SEC24B: variants seen among roughly 807,000 people sequenced by gnomAD.
SEC24B encodes protein transport protein Sec24B.
A neutral mutation model predicts 142.8 loss-of-function variants in SEC24B; 45 were observed. The observed-to-expected ratio is 0.32, with a 90% CI of 0.25 to 0.40. SEC24B has a LOEUF of 0.40. Ranked by LOEUF, SEC24B falls within the 10% of genes least tolerant of loss-of-function variation. The pLI, the probability that SEC24B is intolerant of heterozygous loss-of-function variation, is 1.00. For missense variants in SEC24B, 1,409 were observed against 1,526.8 expected, an observed-to-expected ratio of 0.92 and a Z score of 1.29; for synonymous variants, 574 against 568.2, an observed-to-expected ratio of 1.01 and a Z score of -0.15.
At chr4:109,447,666 G>T (rs939839649) in intron 1 of SEC24B, among the ~76,000 whole-genome samples, 3 of 152,088 alleles carry the variant, frequency 2.0e-5, no homozygotes, top group Non-Finnish European at 4.4e-5. Flanking sequence ...GTATATTAAG[G>T]CATACCTCTT....
At chr4:109,460,787 T>C (rs1731174409) in intron 1 of SEC24B, among the ~76,000 whole-genome samples, 1 of 150,768 alleles carries the variant, frequency 6.6e-6, no homozygotes, top group Admixed American at 6.6e-5. Flanking sequence ...TTAATAAGAC[T>C]AATATTAGGA....
In SEC24B at chr4:109,481,712, A is replaced by G. The variant is rs769029115; in HGVS notation, c.1096A>G (p.Ser366Gly). Residue 366 changes from serine (S) to glycine (G), a missense_variant, in exon 4 of 24, where the codon AGC (serine) becomes GGC (glycine). Physicochemically the swap from Ser to Gly is moderately conservative, Grantham distance 56 (BLOSUM62 0). Coordinates refer to ENST00000265175, the MANE Select transcript of SEC24B (RefSeq NM_006323.5). ...TGGTGAATATGTTAATAACCAAGCT[A>G]GCTCCGCACCAACTCCCTTGTCATC... ...QYGEYVNNQA[S>G]SAPTPLSSTS... 6.2e-7 allele frequency: 1 copy of G among 1,613,848 alleles called. No homozygotes were observed. The highest frequency in any genetic ancestry group is 1.1e-5 in the South Asian group (1 of 91,054).
chr4:109,513,933 T>G (rs1164005449), intron 10 of SEC24B, 77 bp downstream of exon 10: 15 of 931,060 alleles, frequency 1.6e-5, no homozygotes, highest in Non-Finnish European at 2.4e-5. Flanking sequence ...AGTGAACTCT[T>G]ATCGAGATTT....
intron 20 of SEC24B, 124 bp downstream of exon 20, chr4:109,531,646 A>T (rs1385086499): frequency 6.1e-6 from 4 of 654,318 alleles, no homozygotes; most frequent in Admixed American, 2.8e-5. Flanking sequence ...CCCTTGTGGT[A>T]GTAATACATT....
At chr4:109,441,560 T>A (rs1480716680) in intron 1 of SEC24B, among the ~76,000 whole-genome samples, 1 of 152,132 alleles carries the variant, frequency 6.6e-6, no homozygotes, top group Non-Finnish European at 1.5e-5. Flanking sequence ...GCCTCCTGAG[T>A]AGCTAGGACT....
At chr4:109,500,815 C>T (rs943089579) in intron 6 of SEC24B, among the ~76,000 whole-genome samples, 2 of 151,934 alleles carry the variant, frequency 1.3e-5, no homozygotes, top group African/African-American at 4.8e-5. Context: ...GCCAGTACCA[C>T]GCCCGGCTAA....
In SEC24B at chr4:109,463,598, C is replaced by CCCGCTA; in HGVS notation, c.832_833insCGCTAC (p.Asn277_His278insProLeu). On this transcript the variant is annotated inframe_insertion, in exon 2 of 24. Coordinates refer to ENST00000265175, the MANE Select transcript of SEC24B (RefSeq NM_006323.5). The stretch of plus-strand genomic sequence containing the variant: ...CGACTCAAGACAATCTCATCCGAAA[C>CCCGCTA]CACACAGGATCCCTGGCTGTAGCGA... 6.2e-7 allele frequency: 1 copy of CCCGCTA among 1,614,026 alleles called. No individual in the cohort carries two copies. Among genetic ancestry groups the CCCGCTA allele is most frequent in the Non-Finnish European group, 8.5e-7 (1 of 1,180,030 alleles).
At chr4:109,460,701 G>C (rs1731163033) in intron 1 of SEC24B, among the ~76,000 whole-genome samples, 1 of 151,288 alleles carries the variant, frequency 6.6e-6, no homozygotes, top group Non-Finnish European at 1.5e-5. Context: ...TTACTTTAGA[G>C]GATTAAAGAA....
chr4:109,441,521 C>T (rs1223610694), intron 1 of SEC24B, among the ~76,000 whole-genome samples: 4 of 152,056 alleles, frequency 2.6e-5, no homozygotes, highest in African/African-American at 9.7e-5. Context: ...GTCTTGACCT[C>T]CCCGGGTTAA....
In SEC24B at chr4:109,529,608, G is replaced by T. The variant is rs1316785462; in HGVS notation, c.3077-681G>T. ...AGGATCACAAGGTATAATTCAGATT[G>T]CAGAAATTACATTGGTTGAGCAGAA... is the stretch of plus-strand genomic sequence containing the variant. On this transcript the variant is annotated intron_variant, in intron 18 of 23. Coordinates refer to ENST00000265175, the MANE Select transcript of SEC24B (RefSeq NM_006323.5). Among the ~76,000 whole-genome samples the T allele has an allele frequency of 2.6e-5, 4 of 152,142 alleles. No homozygotes were observed. In the East Asian group the frequency reaches 7.7e-4, roughly 29 times the overall value.
chr4:109,468,100 T>C (rs1672776500), intron 2 of SEC24B, among the ~76,000 whole-genome samples: 1 of 151,238 alleles, frequency 6.6e-6, no homozygotes, highest in African/African-American at 2.5e-5. Context: ...TATTTGGACA[T>C]AGAAATATAA....
intron 1 of SEC24B, among the ~76,000 whole-genome samples, chr4:109,462,504 G>GTTAA (rs1305354553): frequency 2.0e-5 from 3 of 152,210 alleles, no homozygotes; most frequent in Non-Finnish European, 4.4e-5. Flanking sequence ...TGGCCAGAGA[G>GTTAA]TTAAGTTCCT....
intron 1 of SEC24B, among the ~76,000 whole-genome samples, chr4:109,434,932 A>T (rs1728260946): frequency 6.6e-6 from 1 of 151,270 alleles, no homozygotes; most frequent in Non-Finnish European, 1.5e-5. Context: ...GTTCGCGGAT[A>T]GGGGCCAAGG....
At position 109,446,542 on chromosome 4, in the gene SEC24B, G is replaced by A. The variant is rs77804625; in HGVS notation, c.133+12540G>A. Reference sequence around the variant, plus strand: ...TTTGTTGTACTTTGTTATAGTAGCAGCAGGAACCTAATACACCTGTGAAGA... The same window carrying A: ...TTTGTTGTACTTTGTTATAGTAGCAACAGGAACCTAATACACCTGTGAAGA... On this transcript the variant is annotated intron_variant, in intron 1 of 23. Coordinates refer to ENST00000265175, the MANE Select transcript of SEC24B (RefSeq NM_006323.5). Among the ~76,000 whole-genome samples the A allele has an allele frequency of 8.8e-3, 1,341 of 152,288 alleles. 24 individuals are homozygous for A. Among genetic ancestry groups the A allele is most frequent in the African/African-American group, 0.031 (1,280 of 41,550 alleles).
chr4:109,514,411 T>C (rs1436325941), intron 10 of SEC24B, among the ~76,000 whole-genome samples: 1 of 152,158 alleles, frequency 6.6e-6, no homozygotes, highest in Non-Finnish European at 1.5e-5. Flanking sequence ...TTATAAAAAC[T>C]GTATTGGCTG....
At chr4:109,520,599 T>C in intron 12 of SEC24B, 115 bp downstream of exon 12, 1 of 730,724 alleles carries the variant, frequency 1.4e-6, no homozygotes, top group South Asian at 1.5e-5. Flanking sequence ...CACTTTAGTA[T>C]TTGTTCAAAA....
chr4:109,499,483 A>G (rs1162343871), intron 6 of SEC24B, among the ~76,000 whole-genome samples: 5 of 152,202 alleles, frequency 3.3e-5, no homozygotes, highest in Non-Finnish European at 7.3e-5. Context: ...AAAGAAAAAA[A>G]AAATCCTTGT....
chr4:109,484,767 G>T (rs540078092), intron 4 of SEC24B, among the ~76,000 whole-genome samples: 1 of 150,888 alleles, frequency 6.6e-6, no homozygotes, highest in African/African-American at 2.4e-5. Context: ...CAGGAGAATT[G>T]CTTGAACCTG....
Position 109,485,723 on chromosome 4 carries a change from C to T in SEC24B, c.1165+3942C>T, listed in dbSNP as rs1352989370. Reference sequence around the variant, plus strand: ...GTTACAATAATTTATTTCATATGTACAGAGGTAAAAAGAAAGTGGCTGAAA... The same window carrying T: ...GTTACAATAATTTATTTCATATGTATAGAGGTAAAAAGAAAGTGGCTGAAA... On this transcript the variant is annotated intron_variant, in intron 4 of 23. Transcript: ENST00000265175. 2.0e-5 allele frequency among the ~76,000 whole-genome samples: 3 copies of T among 152,098 alleles called. 1 individual carries two copies. The East Asian group carries it at 5.8e-4, about 29-fold the overall frequency.
Sources: allele counts gnomAD v4.1 joint callset (sites outside exome capture counted in the v4.1 genomes callset), GRCh38; gene constraint gnomAD v4.1.1; transcripts MANE v1.5; gene names NCBI Gene and HGNC (gene_info 2026-07-23, HGNC 2026-07-21).